The following SOX5 variants were observed in gnomAD, a reference collection of about 807,000 sequenced individuals.
SOX5 encodes the protein SRY-box transcription factor 5, also known as transcription factor SOX-5.
Under a neutral mutation model 92.0 loss-of-function variants are expected in SOX5, and 9 were observed. That is an observed-to-expected ratio of 0.10 (90% CI 0.06 to 0.17). The LOEUF is 0.17. Among genes scored for constraint, SOX5 ranks in the 10% least tolerant of loss-of-function variants. The pLI is 1.00. For missense variants in SOX5, 642 were observed against 944.5 expected, an observed-to-expected ratio of 0.68 and a Z score of 4.20; for synonymous variants, 344 against 336.3, an observed-to-expected ratio of 1.02 and a Z score of -0.25.
chr12:24,467,023 A>G (rs1430058506), intron 1 of SOX5, among the ~76,000 whole-genome samples: 1 of 152,316 alleles, frequency 6.6e-6, no homozygotes, highest in Non-Finnish European at 1.5e-5. Context: ...TAATTCTCTC[A>G]TATGTAATTT....
intron 4 of SOX5, among the ~76,000 whole-genome samples, chr12:24,057,494 CTT>C (rs1958249415): frequency 6.6e-6 from 1 of 152,060 alleles, no homozygotes; most frequent in South Asian, 2.1e-4. Flanking sequence ...AGGTGCATGA[CTT>C]AGTCTTTTTA....
At chr12:23,873,806 T>C (rs1352775833) in intron 2 of SOX5, among the ~76,000 whole-genome samples, 1 of 152,210 alleles carries the variant, frequency 6.6e-6, no homozygotes. Flanking sequence ...ATGATTGTTG[T>C]TTAAGAGATT....
intron 2 of SOX5, among the ~76,000 whole-genome samples, chr12:24,351,574 CTATACT>C (rs1162358178): frequency 6.6e-6 from 1 of 152,174 alleles, no homozygotes; most frequent in African/African-American, 2.4e-5. Flanking sequence ...TTCCTTTCCT[CTATACT>C]TAAAGTATCA....
intron 9 of SOX5, among the ~76,000 whole-genome samples, chr12:23,590,035 C>A (rs1297167510): frequency 6.6e-6 from 1 of 151,858 alleles, no homozygotes; most frequent in Non-Finnish European, 1.5e-5. Context: ...ACAGCAAATT[C>A]TATTTAGAAT....
At chr12:23,791,103 G>T (rs1209325499) in intron 3 of SOX5, among the ~76,000 whole-genome samples, 1 of 152,148 alleles carries the variant, frequency 6.6e-6, no homozygotes, top group Non-Finnish European at 1.5e-5. Flanking sequence ...ATGAAGACTT[G>T]TTAATTACAC....
At chr12:23,838,040 T>C (rs1199401628) in intron 3 of SOX5, among the ~76,000 whole-genome samples, 1 of 113,974 alleles carries the variant, frequency 8.8e-6, no homozygotes. Flanking sequence ...TATATATTTT[T>C]ATATAATATA....
chr12:23,809,251 A>G (rs1204440714), intron 3 of SOX5, among the ~76,000 whole-genome samples: 1 of 152,114 alleles, frequency 6.6e-6, no homozygotes, highest in African/African-American at 2.4e-5. Context: ...GTGGGTAGGG[A>G]GAGGCAGTGG....
At chr12:24,087,629 G>A (rs768719957) in intron 4 of SOX5, among the ~76,000 whole-genome samples, 1 of 152,062 alleles carries the variant, frequency 6.6e-6, no homozygotes, top group African/African-American at 2.4e-5. Context: ...AATTGTGAAC[G>A]TGGTATATTG....
At chr12:24,478,994 G>C (rs956788194) in intron 1 of SOX5, among the ~76,000 whole-genome samples, 1 of 152,046 alleles carries the variant, frequency 6.6e-6, no homozygotes, top group Non-Finnish European at 1.5e-5. Flanking sequence ...TCTACTCTTC[G>C]AGCTCCATTT....
intron 1 of SOX5, among the ~76,000 whole-genome samples, chr12:24,508,809 A>C (rs986062447): frequency 3.9e-5 from 6 of 152,200 alleles, no homozygotes; most frequent in African/African-American, 1.2e-4. Flanking sequence ...CTCAGTGTTA[A>C]GGAGTGAAAA....
intron 6 of SOX5, among the ~76,000 whole-genome samples, chr12:23,668,115 G>A (rs894141473): frequency 3.3e-5 from 5 of 152,180 alleles, no homozygotes; most frequent in African/African-American, 1.2e-4. Context: ...GAGGGCTGTG[G>A]TGTGACTTAC....
intron 6 of SOX5, among the ~76,000 whole-genome samples, chr12:23,686,810 T>C (rs1435749549): frequency 6.6e-6 from 1 of 151,920 alleles, no homozygotes; most frequent in African/African-American, 2.4e-5. Flanking sequence ...TATGTGAAAA[T>C]AGATATATTT....
chr12:24,505,914 C>T (rs1270515012), intron 1 of SOX5, among the ~76,000 whole-genome samples: 1 of 147,232 alleles, frequency 6.8e-6, no homozygotes, highest in Non-Finnish European at 1.5e-5. Context: ...ACCCCAACCA[C>T]GGCTTCTGAG....
At chr12:23,918,652 G>A (rs1429408387) in intron 1 of SOX5, among the ~76,000 whole-genome samples, 7 of 152,078 alleles carry the variant, frequency 4.6e-5, no homozygotes, top group African/African-American at 1.2e-4. Context: ...TGGGCCGGGC[G>A]TGGTGGCTCA....
At chr12:24,179,940 T>TA (rs1014371730) in intron 4 of SOX5, among the ~76,000 whole-genome samples, 1 of 147,298 alleles carries the variant, frequency 6.8e-6, no homozygotes, top group African/African-American at 2.5e-5. Context: ...TCTTTTTTTT[T>TA]ATTAAAAAAA....
chr12:23,968,460 G>T (rs768138615), intron 4 of SOX5, among the ~76,000 whole-genome samples: 1 of 152,200 alleles, frequency 6.6e-6, no homozygotes, highest in African/African-American at 2.4e-5. Context: ...AAGCCCTCAT[G>T]AATGGATTAA....
chr12:24,058,694 G>A (rs1261578215), intron 4 of SOX5, among the ~76,000 whole-genome samples: 1 of 152,136 alleles, frequency 6.6e-6, no homozygotes, highest in Non-Finnish European at 1.5e-5. Flanking sequence ...TAGGATACCA[G>A]TCTAAAAGCT....
At chr12:23,878,571 T>A (rs2096953757) in intron 2 of SOX5, among the ~76,000 whole-genome samples, 1 of 152,122 alleles carries the variant, frequency 6.6e-6, no homozygotes, top group Non-Finnish European at 1.5e-5. Flanking sequence ...CTTTTACTTT[T>A]AACATTTCCA....
intron 1 of SOX5, among the ~76,000 whole-genome samples, chr12:24,447,246 G>A (rs191699313): frequency 6.6e-6 from 1 of 152,312 alleles, no homozygotes; most frequent in East Asian, 1.9e-4. Context: ...AGTGTCATCA[G>A]CAATAAGCCA....
Sources: gnomAD v4.1 joint callset for allele counts (sites outside exome capture counted in the v4.1 genomes callset) on GRCh38, gnomAD v4.1.1 for gene constraint, MANE v1.5 for transcripts, NCBI Gene and HGNC (gene_info 2026-07-23, HGNC 2026-07-21) for gene names.